FMNL2: variants seen among roughly 807,000 people sequenced by gnomAD.
FMNL2 encodes the protein formin like 2.
In FMNL2, 51 loss-of-function variants were observed where a neutral mutation model predicts 130.2. That is an observed-to-expected ratio of 0.39 (90% CI 0.31 to 0.49). The LOEUF (loss-of-function observed/expected upper bound fraction) is 0.49, where lower values mean the gene tolerates loss of function less well. Among genes scored for constraint, FMNL2 ranks in the 20% least tolerant of loss-of-function variants. The pLI, the probability that FMNL2 is intolerant of heterozygous loss-of-function variation, is 0.85. For synonymous variants in FMNL2, 465 were observed against 467.1 expected, an observed-to-expected ratio of 1.00 and a Z score of 0.06; for missense variants, 977 against 1,316.2, an observed-to-expected ratio of 0.74 and a Z score of 3.99.
At chr2:152,634,726 T>A (rs1682439829) in intron 21 of FMNL2, among the ~76,000 whole-genome samples, 1 of 152,160 alleles carries the variant, frequency 6.6e-6, no homozygotes, top group South Asian at 2.1e-4. Context: ...TTTCAAGCGT[T>A]GGTTGTGCAA....
intron 1 of FMNL2, among the ~76,000 whole-genome samples, chr2:152,344,637 G>A (rs1188969035): frequency 6.6e-6 from 1 of 152,182 alleles, no homozygotes; most frequent in Non-Finnish European, 1.5e-5. Flanking sequence ...TACATATGGT[G>A]TAAGATTAAG....
intron 1 of FMNL2, among the ~76,000 whole-genome samples, chr2:152,501,810 A>T (rs1039455361): frequency 2.0e-4 from 31 of 152,126 alleles, no homozygotes; most frequent in Non-Finnish European, 3.5e-4. Context: ...TGTTTCTCTA[A>T]TGGGGTCCTG....
chr2:152,591,375 A>G lies in FMNL2; in HGVS notation c.876+10326A>G, dbSNP rs1580043249. ...AAAGATGCTCAGTTATCTTTTGTGT[A>G]ACATCTCTCCAGACTACCACCTTTT... On this transcript the variant is annotated intron_variant, in intron 9 of 25. Coordinates refer to ENST00000288670, the MANE Select transcript of FMNL2 (RefSeq NM_052905.4). Among the ~76,000 whole-genome samples, 5 of 152,184 alleles carry G rather than the reference A, an allele frequency of 3.3e-5. No individual in the cohort carries two copies. In the South Asian group the frequency reaches 1.0e-3, roughly 31 times the overall value.
chr2:152,604,603 G>GT (rs374452750), intron 9 of FMNL2, among the ~76,000 whole-genome samples: 3,097 of 148,264 alleles, frequency 0.021, 92 homozygotes, highest in African/African-American at 0.071. Flanking sequence ...AAAGTACACT[G>GT]TTTTTTTTTT....
chr2:152,391,648 C>T (rs1211517288), intron 1 of FMNL2, among the ~76,000 whole-genome samples: 1 of 151,640 alleles, frequency 6.6e-6, no homozygotes, highest in Admixed American at 6.6e-5. Context: ...GAATGAGACA[C>T]CGACTTTCCC....
At chr2:152,546,943 A>G (rs1276349717) in intron 3 of FMNL2, among the ~76,000 whole-genome samples, 1 of 137,492 alleles carries the variant, frequency 7.3e-6, no homozygotes. Context: ...ACTTGCCCCC[A>G]TTCTTTTTTT....
intron 1 of FMNL2, among the ~76,000 whole-genome samples, chr2:152,346,562 GGT>G (rs1453910505): frequency 6.6e-6 from 1 of 152,056 alleles, no homozygotes; most frequent in Non-Finnish European, 1.5e-5. Context: ...GGGAGGCTGA[GGT>G]GGGAGAATTG....
At chr2:152,399,794 A>G (rs573090708) in intron 1 of FMNL2, among the ~76,000 whole-genome samples, 15 of 152,288 alleles carry the variant, frequency 9.8e-5, no homozygotes, top group African/African-American at 3.1e-4. Context: ...GATGACCTTA[A>G]TGTCTTTAAT....
At chr2:152,364,259 G>GTTTTTTTTTTTTTTTTTTTTTT (rs1163993397) in intron 1 of FMNL2, among the ~76,000 whole-genome samples, 1 of 100,798 alleles carries the variant, frequency 9.9e-6, no homozygotes, top group African/African-American at 4.4e-5. Context: ...GGAGGTTTGT[G>GTTTTTTTTTTTTTTTTTTTTTT]TGTTTTTTTT....
At chr2:152,337,981 C>T (rs1375470021) in intron 1 of FMNL2, among the ~76,000 whole-genome samples, 6 of 150,884 alleles carry the variant, frequency 4.0e-5, no homozygotes, top group African/African-American at 1.2e-4. Context: ...AGATCATCTC[C>T]GTGGGCCAAT....
At chr2:152,397,859 C>T (rs1409589659) in intron 1 of FMNL2, among the ~76,000 whole-genome samples, 1 of 152,226 alleles carries the variant, frequency 6.6e-6, no homozygotes, top group Non-Finnish European at 1.5e-5. Context: ...TGCAGTGGCT[C>T]ACACCTGTAA....
intron 1 of FMNL2, among the ~76,000 whole-genome samples, chr2:152,354,372 TTC>T (rs1682672789): frequency 6.7e-6 from 1 of 150,228 alleles, no homozygotes; most frequent in African/African-American, 2.5e-5. Flanking sequence ...ATAGATGGTT[TTC>T]TGTTTGATTA....
rs1425461611 is a variant in FMNL2, at chr2:152,648,783, CCT to C, written c.*881_*882del. The C allele has an allele frequency of 1.3e-5, 2 of 152,568 alleles. No individual in the cohort carries two copies. The highest frequency in any genetic ancestry group is 2.4e-5 in the African/African-American group (1 of 41,434). The allele number at this position is 152,568 out of a possible 1,614,324, so 9.5% of individuals were successfully genotyped here. A position where few individuals can be genotyped will look rare whatever the true frequency, so the allele number is the denominator to read the frequency against. ...AGTGTTAGGAACCTGGCCTTACTCT[CCT>C]CTGACAATCGCAATTTTTTCTTATT... is the stretch of plus-strand genomic sequence containing the variant. On this transcript the variant is annotated 3_prime_UTR_variant, in exon 26 of 26. Coordinates refer to ENST00000288670, the MANE Select transcript of FMNL2 (RefSeq NM_052905.4).
intron 1 of FMNL2, among the ~76,000 whole-genome samples, chr2:152,337,137 T>C (rs536767871): frequency 1.7e-3 from 261 of 152,184 alleles, no homozygotes; most frequent in African/African-American, 5.6e-3. Flanking sequence ...ACAGATGAGG[T>C]TGCTTGTGTT....
intron 9 of FMNL2, among the ~76,000 whole-genome samples, chr2:152,605,567 C>A (rs1234841123): frequency 6.6e-6 from 1 of 152,170 alleles, no homozygotes; most frequent in African/African-American, 2.4e-5. Context: ...TCAAGCGATC[C>A]TCCCGCTTTG....
intron 4 of FMNL2, among the ~76,000 whole-genome samples, chr2:152,552,088 CACTT>C (rs1694967993): frequency 6.6e-6 from 1 of 152,156 alleles, no homozygotes; most frequent in Admixed American, 6.5e-5. Context: ...AAGTTTTCTG[CACTT>C]ACTATGTGAC....
intron 2 of FMNL2, among the ~76,000 whole-genome samples, chr2:152,526,511 T>C (rs188708464): frequency 6.0e-4 from 91 of 152,270 alleles, no homozygotes; most frequent in African/African-American, 2.0e-3. Flanking sequence ...CTCCCAGCTG[T>C]TGGGATAGCA....
chr2:152,485,806 T>C (rs1041331508), intron 1 of FMNL2, among the ~76,000 whole-genome samples: 4 of 152,214 alleles, frequency 2.6e-5, no homozygotes, highest in Admixed American at 6.5e-5. Context: ...GAATAGAGAC[T>C]GCATCCCCTC....
chr2:152,639,006 G>C (rs1321573804), intron 23 of FMNL2, among the ~76,000 whole-genome samples: 2 of 152,078 alleles, frequency 1.3e-5, no homozygotes, highest in Non-Finnish European at 2.9e-5. Flanking sequence ...CTGTGTTGGA[G>C]GTCCCAGCCT....
Sources: allele counts gnomAD v4.1 joint callset (sites outside exome capture counted in the v4.1 genomes callset), GRCh38; gene constraint gnomAD v4.1.1; transcripts MANE v1.5; gene names NCBI Gene and HGNC (gene_info 2026-07-23, HGNC 2026-07-21).